The following ULK2 variants were observed in gnomAD, a reference collection of about 807,000 sequenced individuals.
ULK2 encodes unc-51 like autophagy activating kinase 2.
In ULK2, 76 loss-of-function variants were observed where a neutral mutation model predicts 127.5. That is an observed-to-expected ratio of 0.60 (90% CI 0.50 to 0.72). The LOEUF (loss-of-function observed/expected upper bound fraction) is 0.72, where lower values mean the gene tolerates loss of function less well. Among genes scored for constraint, ULK2 ranks in the 30% least tolerant of loss-of-function variants. The pLI is 0.00. For missense variants in ULK2, 1,144 were observed against 1,295.9 expected (o/e 0.88, Z 1.80); for synonymous variants, 452 against 461.9 (o/e 0.98, Z 0.28).
intron 9 of ULK2, among the ~76,000 whole-genome samples, chr17:19,840,870 C>T (rs866396293): frequency 7.9e-5 from 12 of 151,850 alleles, no homozygotes; most frequent in Admixed American, 1.3e-4. Context: ...GCCTGGGTGA[C>T]AGAGCAAGAC....
intron 10 of ULK2, among the ~76,000 whole-genome samples, chr17:19,829,049 A>C (rs2041364434): frequency 6.6e-6 from 1 of 151,884 alleles, no homozygotes; most frequent in South Asian, 2.1e-4. Context: ...GCCTGGGTGA[A>C]AGTGTAAGAC....
At chr17:19,846,199 G>A (rs894474009) in intron 6 of ULK2, among the ~76,000 whole-genome samples, 3 of 152,012 alleles carry the variant, frequency 2.0e-5, no homozygotes, top group Admixed American at 6.6e-5. Context: ...TTTTCCTCTC[G>A]AGAGACGCAG....
chr17:19,860,874 C>A (rs2042227294), intron 3 of ULK2: 1 of 151,986 alleles, frequency 6.6e-6, no homozygotes. Flanking sequence ...ATTGGTGGTT[C>A]AATGGTAGAA....
At chr17:19,803,590 T>C (rs1290421769) in intron 15 of ULK2, among the ~76,000 whole-genome samples, 2 of 152,256 alleles carry the variant, frequency 1.3e-5, no homozygotes, top group African/African-American at 4.8e-5. Flanking sequence ...TACAATATAC[T>C]GTTAATCACT....
At chr17:19,790,890 AC>A (rs2087137136) in intron 20 of ULK2, among the ~76,000 whole-genome samples, 1 of 152,254 alleles carries the variant, frequency 6.6e-6, no homozygotes, top group Non-Finnish European at 1.5e-5. Flanking sequence ...AGATTTCAAG[AC>A]AAAAACCATA....
rs148826445 is a variant in ULK2, at chr17:19,821,825, G to A, written c.924+3269C>T. ...AGCAATCATAGCTCACTGTAACCTC[G>A]AAGTCAGGGGCTCAAGCACCCAGCT... On this transcript the variant is annotated intron_variant, in intron 12 of 26. Transcript: ENST00000395544. Among the ~76,000 whole-genome samples, 948 of 152,004 alleles carry A rather than the reference G, an allele frequency of 6.2e-3. 6 individuals carry two copies. The highest frequency in any genetic ancestry group is 0.01 in the Middle Eastern group (3 of 294).
rs202233839 is a variant in ULK2 at position 19,867,424 on chromosome 17, G to A, written c.-7C>T. Reference sequence around the variant, plus strand: ...AGTCACCCACCACCTCCATGGCCGCGCCCCCGGGGCACACAGCGGACGGGC... The same window carrying A: ...AGTCACCCACCACCTCCATGGCCGCACCCCCGGGGCACACAGCGGACGGGC... On this transcript the variant is annotated 5_prime_UTR_variant, in exon 1 of 27. Transcript: ENST00000395544. The A allele has an allele frequency of 1.1e-5, 17 of 1,587,648 alleles. No individual in the cohort carries two copies. The highest frequency in any genetic ancestry group is 1.5e-5 in the Non-Finnish European group (17 of 1,169,330).
intron 6 of ULK2, among the ~76,000 whole-genome samples, 162 bp downstream of exon 6, chr17:19,846,575 G>A (rs1037812117): frequency 6.6e-6 from 1 of 151,656 alleles, no homozygotes; most frequent in South Asian, 2.1e-4. Context: ...AGGAGGCGTA[G>A]GTTGCAGTGA....
rs183860591 is a variant in ULK2 at position 19,806,653 on chromosome 17, T to G, written c.1158-1823A>C. Among the ~76,000 whole-genome samples the G allele has an allele frequency of 2.2e-3, 342 of 152,342 alleles. 7 individuals are homozygous for G. In the South Asian group the frequency reaches 0.037, roughly 17 times the overall value. On this transcript the variant is annotated intron_variant, in intron 14 of 26. Coordinates refer to ENST00000395544, the MANE Select transcript of ULK2 (RefSeq NM_014683.4). ...CTAGCTAAGACAACTGCAGCCATTT[T>G]CCTGTACAACTTAATATTAACACCA...
intron 23 of ULK2, 59 bp downstream of exon 23, chr17:19,781,830 A>C: frequency 6.4e-7 from 1 of 1,557,006 alleles, no homozygotes; most frequent in Non-Finnish European, 8.7e-7. Flanking sequence ...CCTACAACTT[A>C]GACACAAGTT....
At chr17:19,828,905 A>G (rs2041360443) in intron 10 of ULK2, among the ~76,000 whole-genome samples, 2 of 152,170 alleles carry the variant, frequency 1.3e-5, no homozygotes, top group South Asian at 4.1e-4. Flanking sequence ...CCTGGGCAAC[A>G]TGGTGAAACC....
intron 6 of ULK2, 58 bp from the exon 7 acceptor site, chr17:19,845,435 A>G (rs2152398104): frequency 7.9e-7 from 1 of 1,261,202 alleles, no homozygotes; most frequent in East Asian, 2.3e-5. Context: ...TACCTAACAT[A>G]TATCATATGA....
intron 3 of ULK2, among the ~76,000 whole-genome samples, chr17:19,862,568 C>T (rs2042266003): frequency 6.6e-6 from 1 of 151,082 alleles, no homozygotes; most frequent in African/African-American, 2.4e-5. Flanking sequence ...TGGGCTCAAG[C>T]AATTCTCCTG....
rs771050840 is a variant in ULK2, at chr17:19,867,467, G to A, written c.-50C>T. 140 of 1,491,860 alleles carry A rather than the reference G, an allele frequency of 9.4e-5. No individual in the cohort carries two copies. The highest frequency in any genetic ancestry group is 1.2e-4 in the Non-Finnish European group (137 of 1,105,256). 92.4% of individuals were successfully genotyped at this position (1,491,860 alleles called of 1,614,324 possible). A position where few individuals can be genotyped will look rare whatever the true frequency, so the allele number is the denominator to read the frequency against. ...GGACGGGCGGGCGGCGCAGTGCGGC[G>A]CAGGTATCAGCACCGCGGCTCCGCG... On this transcript the variant is annotated 5_prime_UTR_variant, in exon 1 of 27. Transcript: ENST00000395544.
Position 19,865,723 on chromosome 17 carries a change from TA to T in ULK2, c.183+12del. On this transcript the variant is annotated intron_variant, in intron 2 of 26. Transcript: ENST00000395544. ...TTAACCTTATATGAATACTACTACA[TA>T]AAGTAACATACCTTTAAGATTTTAA... 7.0e-7 allele frequency: 1 copy of T among 1,436,574 alleles called. No homozygotes were observed. The highest frequency in any genetic ancestry group is 9.6e-7 in the Non-Finnish European group (1 of 1,039,716). The allele number at this position is 1,436,574 out of a possible 1,614,324, so 89.0% of individuals were successfully genotyped here.
At chr17:19,837,027 G>A (rs578025639) in intron 10 of ULK2, among the ~76,000 whole-genome samples, 6 of 151,850 alleles carry the variant, frequency 4.0e-5, no homozygotes, top group Admixed American at 6.6e-5. Flanking sequence ...TCAAGGTTGC[G>A]GTGAGCTACG....
At chr17:19,845,152 A>AT in intron 7 of ULK2, 152 bp downstream of exon 7, 2 of 643,360 alleles carry the variant, frequency 3.1e-6, no homozygotes. Context: ...AGATGTCTGT[A>AT]TTATAGCATT....
At chr17:19,850,681 C>T (rs979976867) in intron 3 of ULK2, among the ~76,000 whole-genome samples, 3 of 151,838 alleles carry the variant, frequency 2.0e-5, no homozygotes, top group South Asian at 2.1e-4. Context: ...AAAAATTAGC[C>T]GGGCGTGGTG....
intron 7 of ULK2, among the ~76,000 whole-genome samples, chr17:19,844,516 T>C (rs2041835001): frequency 6.6e-6 from 1 of 152,106 alleles, no homozygotes; most frequent in African/African-American, 2.4e-5. Flanking sequence ...ACCTCAAGGC[T>C]AAACTAATTT....
Sources: gnomAD v4.1 joint callset for allele counts (sites outside exome capture counted in the v4.1 genomes callset) on GRCh38, gnomAD v4.1.1 for gene constraint, MANE v1.5 for transcripts, NCBI Gene and HGNC (gene_info 2026-07-23, HGNC 2026-07-21) for gene names.